The following EPS15L1 variants were observed in gnomAD, a reference collection of about 807,000 sequenced individuals.
EPS15L1 encodes epidermal growth factor receptor substrate 15-like 1.
In EPS15L1, 43 loss-of-function variants were observed where a neutral mutation model predicts 117.1. The observed-to-expected ratio is 0.37, with a 90% CI of 0.29 to 0.47. EPS15L1 has a LOEUF of 0.47. Among genes scored for constraint, EPS15L1 ranks in the 20% least tolerant of loss-of-function variants. The probability of loss-of-function intolerance (pLI) is 0.99; values close to 1 mark genes in which losing one functional copy is unlikely to be tolerated. For synonymous variants in EPS15L1, 459 were observed against 470.5 expected (o/e 0.98, Z 0.32); for missense variants, 981 against 1,164.0 (o/e 0.84, Z 2.29).
chr19:16,428,615 AAG>A (rs2092901107), intron 8 of EPS15L1, 85 bp downstream of exon 8: 1 of 865,208 alleles, frequency 1.2e-6, no homozygotes, highest in African/African-American at 1.7e-5. Context: ...GAAAAGAAAA[AAG>A]AGAGAAAGAC....
chr19:16,449,019 G>C (rs2093114648), intron 1 of EPS15L1, among the ~76,000 whole-genome samples: 1 of 151,824 alleles, frequency 6.6e-6, no homozygotes, highest in African/African-American at 2.4e-5. Flanking sequence ...CGTACCTGTA[G>C]TCCCAGCACT....
Position 16,355,603 on chromosome 19 carries a change from T to C in EPS15L1, c.*102A>G. On this transcript the variant is annotated 3_prime_UTR_variant, in exon 24 of 24. Coordinates refer to ENST00000455140, the MANE Select transcript of EPS15L1 (RefSeq NM_001258374.3). ...GAACAAGCCCCCGAGTCCCGGTCCT[T>C]GGAGTACGGTGGCGACGGTGTGTGT... 1 of 1,390,712 alleles carries C rather than the reference T, an allele frequency of 7.2e-7. No individual in the cohort carries two copies. The highest frequency in any genetic ancestry group is 1.4e-5 in the South Asian group (1 of 71,320). The allele number at this position is 1,390,712 out of a possible 1,614,324, so 86.1% of individuals were successfully genotyped here.
At chr19:16,430,610 T>C (rs1338971013) in intron 7 of EPS15L1, among the ~76,000 whole-genome samples, 3 of 152,198 alleles carry the variant, frequency 2.0e-5, no homozygotes, top group African/African-American at 7.2e-5. Flanking sequence ...CTATTACTTA[T>C]TTGACTTCTT....
chr19:16,463,929 G>C (rs1414899552), intron 1 of EPS15L1, among the ~76,000 whole-genome samples: 1 of 152,248 alleles, frequency 6.6e-6, no homozygotes, highest in Non-Finnish European at 1.5e-5. Context: ...CAAACGCCTT[G>C]AGGCAAGATG....
chr19:16,356,197 G>T, intron 23 of EPS15L1: 1 of 359,276 alleles, frequency 2.8e-6, no homozygotes, highest in Non-Finnish European at 5.2e-6. Context: ...CTTCCAGCGT[G>T]CATGGCTCTA....
chr19:16,466,498 G>A (rs1022326141), intron 1 of EPS15L1, among the ~76,000 whole-genome samples: 2 of 152,086 alleles, frequency 1.3e-5, no homozygotes, highest in African/African-American at 2.4e-5. Context: ...TGTCAGCCCC[G>A]TGAGGCGGCA....
intron 15 of EPS15L1, among the ~76,000 whole-genome samples, chr19:16,403,040 C>T (rs1438601035): frequency 6.6e-6 from 1 of 152,222 alleles, no homozygotes; most frequent in Non-Finnish European, 1.5e-5. Context: ...GGCCTATAAA[C>T]TGGCTAATGG....
At chr19:16,418,217 C>T (rs771633092) in intron 10 of EPS15L1, 113 bp from the exon 11 acceptor site, 22 of 1,240,624 alleles carry the variant, frequency 1.8e-5, no homozygotes, top group South Asian at 5.8e-5. Flanking sequence ...AACGGCAGGG[C>T]GTGGTGGCAA....
At chr19:16,464,969 C>T (rs949194636) in intron 1 of EPS15L1, among the ~76,000 whole-genome samples, 4 of 151,768 alleles carry the variant, frequency 2.6e-5, no homozygotes, top group African/African-American at 4.8e-5. Flanking sequence ...GTCCCAGCTA[C>T]GCAGGAGGCT....
Position 16,355,500 on chromosome 19 carries a change from G to C in EPS15L1, c.*205C>G. The C allele has an allele frequency of 1.7e-6, 1 of 598,048 alleles. No homozygotes were observed. The highest frequency in any genetic ancestry group is 2.8e-6 in the Non-Finnish European group (1 of 351,168). 37.0% of individuals were successfully genotyped at this position (598,048 alleles called of 1,614,324 possible). On this transcript the variant is annotated 3_prime_UTR_variant, in exon 24 of 24. Transcript: ENST00000455140. ...ACAGTGGAGAGACGGACCTGCAGAAGTGGTGGCCAAGGCCTCTGTAAGGGC... is the reference window on the plus strand; with the variant it reads ...ACAGTGGAGAGACGGACCTGCAGAACTGGTGGCCAAGGCCTCTGTAAGGGC...
intron 7 of EPS15L1, among the ~76,000 whole-genome samples, chr19:16,432,428 C>T (rs1203917858): frequency 6.6e-6 from 1 of 152,128 alleles, no homozygotes; most frequent in East Asian, 1.9e-4. Flanking sequence ...ATTAGCCAGG[C>T]GTGGTGGCGG....
intron 17 of EPS15L1, among the ~76,000 whole-genome samples, chr19:16,394,246 G>C (rs1021784116): frequency 6.6e-6 from 1 of 152,196 alleles, no homozygotes. Context: ...GGTACTGCTG[G>C]CTGTCCCACA....
intron 20 of EPS15L1, 113 bp downstream of exon 20, chr19:16,386,058 G>C: frequency 1.2e-6 from 1 of 815,318 alleles, no homozygotes. Context: ...GCCACTGACT[G>C]ATGACACAAA....
chr19:16,439,068 TTTTCTG>T (rs1432137192), intron 4 of EPS15L1, among the ~76,000 whole-genome samples: 2 of 149,888 alleles, frequency 1.3e-5, no homozygotes, highest in Non-Finnish European at 3.0e-5. Flanking sequence ...AGCTTGTTTT[TTTTCTG>T]TTTTTTTTTT....
At chr19:16,452,101 T>C (rs2093150594) in intron 1 of EPS15L1, among the ~76,000 whole-genome samples, 1 of 151,086 alleles carries the variant, frequency 6.6e-6, no homozygotes, top group South Asian at 2.1e-4. Flanking sequence ...ATCACGCCAC[T>C]GCACTCCAGC....
chr19:16,429,105 A>G (rs1485668946), intron 7 of EPS15L1, among the ~76,000 whole-genome samples: 1 of 152,066 alleles, frequency 6.6e-6, no homozygotes, highest in African/African-American at 2.4e-5. Context: ...GTGTTGCCCT[A>G]AACACCCACA....
intron 21 of EPS15L1, among the ~76,000 whole-genome samples, chr19:16,378,199 CAGGT>C (rs1301050985): frequency 6.6e-6 from 1 of 151,786 alleles, no homozygotes; most frequent in Non-Finnish European, 1.5e-5. Context: ...CGACGTCTTG[CAGGT>C]AGGTAGGTAG....
chr19:16,376,564 C>T (rs1340464230), intron 22 of EPS15L1, among the ~76,000 whole-genome samples: 2 of 152,278 alleles, frequency 1.3e-5, no homozygotes, highest in East Asian at 1.9e-4. Flanking sequence ...AGGGGAGCCC[C>T]GAGCCATCCT....
chr19:16,431,705 C>T (rs374727521), intron 7 of EPS15L1, among the ~76,000 whole-genome samples: 2 of 152,146 alleles, frequency 1.3e-5, no homozygotes, highest in African/African-American at 2.4e-5. Context: ...TTTGAATGTT[C>T]CCAACACAAA....
Sources: allele counts gnomAD v4.1 joint callset (sites outside exome capture counted in the v4.1 genomes callset), GRCh38; gene constraint gnomAD v4.1.1; transcripts MANE v1.5; gene names NCBI Gene and HGNC (gene_info 2026-07-23, HGNC 2026-07-21).